The following USP13 variants were observed in gnomAD, a reference collection of about 807,000 sequenced individuals.
USP13 encodes the protein ubiquitin carboxyl-terminal hydrolase 13.
Under a neutral mutation model 107.8 loss-of-function variants are expected in USP13, and 68 were observed. The ratio of observed to expected loss-of-function variants is 0.63; its 90% CI spans 0.52 to 0.77. The LOEUF (loss-of-function observed/expected upper bound fraction) is 0.77, where lower values mean the gene tolerates loss of function less well. USP13 is among the 30% of genes least tolerant of loss of function. The probability of loss-of-function intolerance (pLI) is 0.00; values close to 1 mark genes in which losing one functional copy is unlikely to be tolerated. For missense variants in USP13, 945 were observed against 1,093.3 expected (o/e 0.86, Z 1.91); for synonymous variants, 377 against 389.5 (o/e 0.97, Z 0.38).
At chr3:179,679,807 T>G (rs1391708901) in intron 1 of USP13, among the ~76,000 whole-genome samples, 25 of 148,342 alleles carry the variant, frequency 1.7e-4, no homozygotes, top group East Asian at 7.9e-4. Flanking sequence ...TTTTTTTTTT[T>G]TTTTTTTTTT....
chr3:179,657,246 G>A (rs1158421449), intron 1 of USP13, among the ~76,000 whole-genome samples: 4 of 152,252 alleles, frequency 2.6e-5, no homozygotes, highest in South Asian at 2.1e-4. Context: ...GCCGGGGCGC[G>A]GTGGCTAACG....
chr3:179,690,339 T>A (rs1287014867), intron 3 of USP13, 38 bp downstream of exon 3: 2 of 1,559,820 alleles, frequency 1.3e-6, no homozygotes, highest in Non-Finnish European at 1.8e-6. Context: ...ATTTTGTGTT[T>A]GTGTGTGTGT....
At chr3:179,766,342 G>A (rs1251436429) in intron 19 of USP13, among the ~76,000 whole-genome samples, 1 of 152,212 alleles carries the variant, frequency 6.6e-6, no homozygotes, top group Non-Finnish European at 1.5e-5. Flanking sequence ...ATCTGATAAA[G>A]TCATGTCAGA....
At chr3:179,663,338 A>G (rs1023385614) in intron 1 of USP13, among the ~76,000 whole-genome samples, 8 of 152,228 alleles carry the variant, frequency 5.3e-5, no homozygotes, top group Non-Finnish European at 7.3e-5. Flanking sequence ...AGGCAGGATA[A>G]TATCCCATTG....
intron 15 of USP13, among the ~76,000 whole-genome samples, chr3:179,756,413 AAAACAAAC>A (rs71628093): frequency 0.017 from 2,484 of 150,282 alleles, 54 homozygotes; most frequent in Middle Eastern, 0.14. Flanking sequence ...CTGTCTCAAA[AAAACAAAC>A]AAACAAACAA....
At chr3:179,660,030 G>A (rs1283209748) in intron 1 of USP13, among the ~76,000 whole-genome samples, 2 of 152,190 alleles carry the variant, frequency 1.3e-5, no homozygotes, top group Non-Finnish European at 2.9e-5. Flanking sequence ...GCGACAGAGC[G>A]AGACTCTGTC....
At chr3:179,702,094 A>G (rs965112065) in intron 4 of USP13, among the ~76,000 whole-genome samples, 1 of 151,494 alleles carries the variant, frequency 6.6e-6, no homozygotes, top group African/African-American at 2.4e-5. Flanking sequence ...ATCTCGGCTC[A>G]CTGCAAGCTC....
intron 5 of USP13, among the ~76,000 whole-genome samples, chr3:179,708,307 A>G (rs78631668): frequency 2.1e-5 from 2 of 97,186 alleles, no homozygotes; most frequent in Middle Eastern, 4.4e-3. Flanking sequence ...GAGGAACAAT[A>G]ATTTTTTTTT....
rs1418205382 is a variant in USP13 at position 179,765,816 on chromosome 3, C to T, written c.2381C>T (p.Pro794Leu). Reference sequence around the variant, plus strand: ...GCAAACATTATTTCTGAGGCCAAGCCCGAAGGACCTAGAGTCAAGGATGGA... The same window carrying T: ...GCAAACATTATTTCTGAGGCCAAGCTCGAAGGACCTAGAGTCAAGGATGGA... ...ANANIISEAK[P>L]EGPRVKDGSG... The change falls in exon 19 of 21, where the codon CCC (proline) becomes CTC (leucine). Residue 794 changes from proline to leucine, a missense_variant. By Grantham distance (98) the Pro-to-Leu change is moderately conservative. Transcript: ENST00000263966. The T allele has an allele frequency of 6.2e-7, 1 of 1,613,888 alleles. No homozygotes were observed. Among genetic ancestry groups the T allele is most frequent in the Non-Finnish European group, 8.5e-7 (1 of 1,180,002 alleles).
intron 19 of USP13, among the ~76,000 whole-genome samples, chr3:179,768,463 G>A (rs1367857586): frequency 6.6e-6 from 1 of 152,178 alleles, no homozygotes; most frequent in Admixed American, 6.5e-5. Flanking sequence ...GGCACTATGG[G>A]TCAACCAAGG....
chr3:179,694,601 G>GA (rs1712221757), intron 3 of USP13, among the ~76,000 whole-genome samples: 1 of 151,838 alleles, frequency 6.6e-6, no homozygotes, highest in Non-Finnish European at 1.5e-5. Flanking sequence ...TCAGGAGTTC[G>GA]GCAGCCTGGC....
chr3:179,682,110 C>T, intron 2 of USP13, 107 bp downstream of exon 2: 5 of 1,399,538 alleles, frequency 3.6e-6, no homozygotes, highest in Non-Finnish European at 4.8e-6. Context: ...ACTTCCGATT[C>T]CCTTTGACGA....
At chr3:179,773,158 C>A (rs1715392769) in intron 19 of USP13, among the ~76,000 whole-genome samples, 2 of 152,100 alleles carry the variant, frequency 1.3e-5, no homozygotes. Flanking sequence ...CTCATGAATA[C>A]CTTGTGGGGG....
At chr3:179,782,984 A>C (rs967636610) in intron 20 of USP13, among the ~76,000 whole-genome samples, 7 of 152,098 alleles carry the variant, frequency 4.6e-5, no homozygotes, top group African/African-American at 1.7e-4. Context: ...ACCTCAAGTG[A>C]TCCACCCGCC....
intron 6 of USP13, among the ~76,000 whole-genome samples, chr3:179,713,840 G>A (rs1713011535): frequency 6.6e-6 from 1 of 152,002 alleles, no homozygotes; most frequent in Non-Finnish European, 1.5e-5. Flanking sequence ...CCCCCAATAA[G>A]GACATATTTG....
intron 1 of USP13, among the ~76,000 whole-genome samples, chr3:179,673,986 G>A (rs1330303730): frequency 2.0e-5 from 3 of 152,120 alleles, no homozygotes; most frequent in Non-Finnish European, 4.4e-5. Flanking sequence ...TCCGCCTTTC[G>A]GGTTCAAACG....
At chr3:179,732,792 T>C (rs1305770814) in intron 10 of USP13, among the ~76,000 whole-genome samples, 4 of 152,228 alleles carry the variant, frequency 2.6e-5, no homozygotes, top group Non-Finnish European at 5.9e-5. Flanking sequence ...CTATGCAGTC[T>C]ACAAGTAGTA....
At chr3:179,715,403 G>T (rs9859838) in intron 6 of USP13, among the ~76,000 whole-genome samples, 2 of 145,422 alleles carry the variant, frequency 1.4e-5, no homozygotes, top group African/African-American at 2.5e-5. Context: ...CTCACTTTCT[G>T]GCCCAGGCTG....
chr3:179,683,946 G>C (rs1711763926), intron 2 of USP13, among the ~76,000 whole-genome samples: 1 of 151,984 alleles, frequency 6.6e-6, no homozygotes, highest in Admixed American at 6.6e-5. Flanking sequence ...GTAATTTATA[G>C]TATCACCCTT....
Sources: allele counts gnomAD v4.1 joint callset (sites outside exome capture counted in the v4.1 genomes callset), GRCh38; gene constraint gnomAD v4.1.1; transcripts MANE v1.5; gene names NCBI Gene and HGNC (gene_info 2026-07-23, HGNC 2026-07-21).